Variants in WDFY3 observed in about 807,000 individuals in gnomAD.
The protein encoded by WDFY3 is WD repeat and FYVE domain-containing protein 3.
A neutral mutation model predicts 409.6 loss-of-function variants in WDFY3; 66 were observed. The ratio of observed to expected loss-of-function variants is 0.16; its 90% confidence interval spans 0.13 to 0.20. The LOEUF is 0.20. Among genes scored for constraint, WDFY3 ranks in the 10% least tolerant of loss-of-function variants. The pLI is 1.00. For synonymous variants in WDFY3, 1,521 were observed against 1,537.1 expected (o/e 0.99, Z 0.25); for missense variants, 3,031 against 4,298.1 (o/e 0.71, Z 8.24).
In WDFY3 at chr4:84,801,656, A is replaced by G; in HGVS notation, c.2816T>C (p.Val939Ala). The change falls in exon 17 of 68, where the codon GTG becomes GCG. Residue 939 changes from valine to alanine, a missense_variant. Around this residue, in one of 16 missense-constraint regions of WDFY3, gnomAD observed 1,322 missense variants for 1,697.9 expected, o/e 0.78. Transcript: ENST00000295888. ...RLASQALEPMVLREFLRLASP... is the reference protein window; with the variant it reads ...RLASQALEPMALREFLRLASP... ...AGTATGAAAGAGAACTTACCTCAACACCATGGGTTCCAGAGCCTGAGAGGC... is the reference window on the plus strand; with the variant it reads ...AGTATGAAAGAGAACTTACCTCAACGCCATGGGTTCCAGAGCCTGAGAGGC... 1 of 1,609,334 alleles carries G rather than the reference A, an allele frequency of 6.2e-7. No homozygotes were observed. The highest frequency in any genetic ancestry group is 1.1e-5 in the South Asian group (1 of 90,776).
chr4:84,796,768 A>C lies in WDFY3; in HGVS notation c.2936-16T>G. ...ATCATACTACCTGTAAGTCAAGGAA[A>C]TCTCTTGGGAAAATGTCATATGGAA... is the stretch of plus-strand genomic sequence containing the variant. On this transcript the variant is annotated splice_polypyrimidine_tract_variant and intron_variant, in intron 18 of 67. Coordinates refer to ENST00000295888, the MANE Select transcript of WDFY3 (RefSeq NM_014991.6). The C allele has an allele frequency of 6.3e-7, 1 of 1,589,108 alleles. No individual in the cohort carries two copies. The highest frequency in any genetic ancestry group is 8.6e-7 in the Non-Finnish European group (1 of 1,161,924).
At position 84,850,926 on chromosome 4, in the gene WDFY3, CTGTTTTTTTTTTTTTTT is replaced by C. The variant is rs1758855924; in HGVS notation, c.181-918_181-902del. ...AATTCTTATTTTTAATTTTATTTAT[CTGTTTTTTTTTTTTTTT>C]TTTTTTTTTTTTTTTTTTTTTTTTT... On this transcript the variant is annotated intron_variant, in intron 4 of 67. Transcript: ENST00000295888. Among the ~76,000 whole-genome samples, 27 of 32,160 alleles carry C rather than the reference CTGTTTTTTTTTTTTTTT, an allele frequency of 8.4e-4. 1 individual carries two copies. The highest frequency in any genetic ancestry group is 2.5e-3 in the African/African-American group (21 of 8,242). The allele number at this position is 32,160 out of a possible 152,430, so 21.1% of individuals were successfully genotyped here.
intron 43 of WDFY3, 111 bp from the exon 44 acceptor site, chr4:84,733,720 CATTTCAGTTA>C (rs888077219): frequency 6.3e-5 from 64 of 1,014,970 alleles, no homozygotes; most frequent in Admixed American, 3.1e-4. Flanking sequence ...CAATCCACAC[CATTTCAGTTA>C]ACATTATAAA....
chr4:84,859,407 T>C (rs1409091345), intron 4 of WDFY3, among the ~76,000 whole-genome samples: 1 of 152,100 alleles, frequency 6.6e-6, no homozygotes, highest in African/African-American at 2.4e-5. Flanking sequence ...TATTCCTCAG[T>C]AGGAAGTCAA....
chr4:84,955,081 TAG>T (rs1774073545), intron 1 of WDFY3, among the ~76,000 whole-genome samples: 1 of 151,966 alleles, frequency 6.6e-6, no homozygotes, highest in Non-Finnish European at 1.5e-5. Context: ...GGCATGCCTG[TAG>T]TCTTAGCTAT....
At chr4:84,819,187 T>G (rs1165240209) in intron 12 of WDFY3, among the ~76,000 whole-genome samples, 4 of 152,086 alleles carry the variant, frequency 2.6e-5, no homozygotes, top group African/African-American at 9.7e-5. Flanking sequence ...TTCACTAGAT[T>G]CTAATTCCCA....
chr4:84,717,401 A>G (rs1293381036), intron 48 of WDFY3, among the ~76,000 whole-genome samples: 1 of 152,196 alleles, frequency 6.6e-6, no homozygotes, highest in African/African-American at 2.4e-5. Flanking sequence ...ATTAGCCACA[A>G]CATACAATTT....
intron 7 of WDFY3, among the ~76,000 whole-genome samples, chr4:84,832,090 A>C (rs1755819588): frequency 6.6e-6 from 1 of 152,172 alleles, no homozygotes; most frequent in Admixed American, 6.6e-5. Flanking sequence ...GAATCAACCT[A>C]AGTATCCAAC....
chr4:84,683,237 G>A (rs1324283480), intron 63 of WDFY3, among the ~76,000 whole-genome samples: 2 of 152,162 alleles, frequency 1.3e-5, no homozygotes, highest in Non-Finnish European at 2.9e-5. Flanking sequence ...GATGTGTACC[G>A]TGTGAGGTAC....
rs757773291 is a variant in WDFY3, at chr4:84,690,567, A to G, written c.9302T>C (p.Val3101Ala). 3.7e-6 allele frequency: 6 copies of G among 1,614,024 alleles called. No individual in the cohort carries two copies. Among genetic ancestry groups the G allele is most frequent in the Non-Finnish European group, 5.1e-6 (6 of 1,180,000 alleles). ...KLVITGGTST[V>A]VCVWEMGTSK... ...GGTGCCCATCTCCCACACACACACA[A>G]CCGTGCTTGTTCCACCCGTGATGAC... Residue 3101 changes from valine to alanine, a missense_variant, in exon 61 of 68, where the codon GTT becomes GCT. This residue lies in a region of WDFY3 where 152 missense variants were observed against 193.5 expected (regional missense o/e 0.79). Coordinates refer to ENST00000295888, the MANE Select transcript of WDFY3 (RefSeq NM_014991.6).
intron 1 of WDFY3, among the ~76,000 whole-genome samples, chr4:84,961,883 G>A (rs1774966397): frequency 6.6e-6 from 1 of 152,080 alleles, no homozygotes; most frequent in Non-Finnish European, 1.5e-5. Context: ...CAATTCAGTA[G>A]TTCAATAAAA....
chr4:84,934,886 A>G (rs1361849534), intron 1 of WDFY3, among the ~76,000 whole-genome samples: 1 of 152,104 alleles, frequency 6.6e-6, no homozygotes, highest in Non-Finnish European at 1.5e-5. Flanking sequence ...TTTAAACAGT[A>G]TATCACATAG....
Position 84,933,344 on chromosome 4 carries a change from T to C in WDFY3, c.-225-981A>G, listed in dbSNP as rs149561295. On this transcript the variant is annotated intron_variant, in intron 1 of 67. Coordinates refer to ENST00000295888, the MANE Select transcript of WDFY3 (RefSeq NM_014991.6). The stretch of plus-strand genomic sequence containing the variant: ...GTTTATCTCATTACCTGGCTGGTTC[T>C]ATTACAGAAACCCAGCTAGAAGTAG... Among the ~76,000 whole-genome samples, 929 of 152,260 alleles carry C rather than the reference T, an allele frequency of 6.1e-3. 4 individuals are homozygous for C. Among genetic ancestry groups the C allele is most frequent in the African/African-American group, 0.018 (752 of 41,570 alleles).
intron 3 of WDFY3, among the ~76,000 whole-genome samples, chr4:84,881,884 A>C (rs188278216): frequency 1.5e-3 from 223 of 151,756 alleles, no homozygotes; most frequent in African/African-American, 4.9e-3. Flanking sequence ...CTGTCTCCAA[A>C]AAAAAAAAAA....
chr4:84,886,879 C>T (rs1026499564), intron 3 of WDFY3, among the ~76,000 whole-genome samples: 3 of 152,106 alleles, frequency 2.0e-5, no homozygotes, highest in Admixed American at 6.6e-5. Context: ...AGAGCAATTT[C>T]CTATTAGTAT....
At chr4:84,751,758 T>A (rs192046965) in intron 35 of WDFY3, 42 bp from the exon 36 acceptor site, 2 of 1,599,560 alleles carry the variant, frequency 1.3e-6, no homozygotes, top group Admixed American at 3.3e-5. Flanking sequence ...CACATTAGAC[T>A]CTGACATTTT....
intron 2 of WDFY3, among the ~76,000 whole-genome samples, chr4:84,912,419 T>C (rs1767913119): frequency 1.3e-5 from 2 of 152,190 alleles, no homozygotes; most frequent in African/African-American, 2.4e-5. Flanking sequence ...TATCTCATAA[T>C]GAAAATCCAG....
At chr4:84,878,007 GGTTT>G (rs777758603) in intron 3 of WDFY3, among the ~76,000 whole-genome samples, 1 of 151,874 alleles carries the variant, frequency 6.6e-6, no homozygotes, top group Admixed American at 6.6e-5. Flanking sequence ...TGTTTTTTAT[GGTTT>G]GTTTAAAATC....
chr4:84,942,440 A>G (rs1480114329), intron 1 of WDFY3, among the ~76,000 whole-genome samples: 1 of 152,236 alleles, frequency 6.6e-6, no homozygotes, highest in Non-Finnish European at 1.5e-5. Context: ...CACTACCATT[A>G]TTTATGAAAA....
Sources: allele counts gnomAD v4.1 joint callset (sites outside exome capture counted in the v4.1 genomes callset), GRCh38; gene constraint gnomAD v4.1.1; regional missense constraint gnomAD v4.1.1; transcripts MANE v1.5; gene names NCBI Gene and HGNC (gene_info 2026-07-23, HGNC 2026-07-21).